Variants in RFX2 observed in about 807,000 individuals in gnomAD.
RFX2 encodes regulatory factor X2.
In RFX2, 20 loss-of-function variants were observed where a neutral mutation model predicts 87.8. The ratio of observed to expected loss-of-function variants is 0.23; its 90% CI spans 0.16 to 0.33. The LOEUF is 0.33. Among genes scored for constraint, RFX2 ranks in the 10% least tolerant of loss-of-function variants. The pLI is 1.00. For missense variants in RFX2, 767 were observed against 1,012.3 expected (o/e 0.76, Z 3.29); for synonymous variants, 397 against 431.3 (o/e 0.92, Z 0.98).
rs1239571052 is a variant in RFX2 at position 6,027,829 on chromosome 19, C to T, written c.523-1592G>A. On this transcript the variant is annotated intron_variant, in intron 5 of 17. Transcript: ENST00000303657. This position sits in a 1 kb window ranked among gnomAD's most constrained non-coding sequence, Gnocchi z 5.0. The stretch of plus-strand genomic sequence containing the variant: ...AGGCTGGAGTGCAGTGATGTGATCT[C>T]GGCTCAGGGCCACCTCTGCCTCCTA... Among the ~76,000 whole-genome samples the T allele has an allele frequency of 6.6e-6, 1 of 152,194 alleles. No homozygotes were observed. The highest frequency in any genetic ancestry group is 1.5e-5 in the Non-Finnish European group (1 of 68,034).
chr19:6,094,955 C>T (rs555668916), intron 1 of RFX2, among the ~76,000 whole-genome samples: 6 of 152,068 alleles, frequency 3.9e-5, no homozygotes, highest in South Asian at 2.1e-4. Flanking sequence ...GGTGAAACCC[C>T]GTCTCTACTA....
intron 1 of RFX2, among the ~76,000 whole-genome samples, chr19:6,069,712 A>G (rs2087566995): frequency 6.6e-6 from 1 of 152,202 alleles, no homozygotes; most frequent in Non-Finnish European, 1.5e-5. Flanking sequence ...AGTGATTGTG[A>G]CAGAGGAGCT....
At position 6,044,251 on chromosome 19, in the gene RFX2, G is replaced by A; in HGVS notation, c.122C>T (p.Pro41Leu). Residue 41 changes from proline to leucine, a missense_variant, in exon 3 of 18, where the codon CCC (proline) becomes CTC (leucine). Pro to Leu is a moderately conservative substitution (Grantham distance 98). This residue lies in a region of RFX2 where 146 missense variants were observed against 139.2 expected (regional missense o/e 1.05). Coordinates refer to ENST00000303657, the MANE Select transcript of RFX2 (RefSeq NM_000635.4). This position sits in a 1 kb window ranked among gnomAD's most constrained non-coding sequence, Gnocchi z 5.3. Reference sequence around the variant, plus strand: ...GATCGGCTGCATCTGGGCCCCTTTGGGATTGGAGCTGGCTGCCTGGACCAA... The same window carrying A: ...GATCGGCTGCATCTGGGCCCCTTTGAGATTGGAGCTGGCTGCCTGGACCAA... ...RVLVQAASSN[P>L]KGAQMQPISL... The A allele has an allele frequency of 6.3e-7, 1 of 1,575,630 alleles. No individual in the cohort carries two copies. The highest frequency in any genetic ancestry group is 8.6e-7 in the Non-Finnish European group (1 of 1,161,256).
Position 6,104,351 on chromosome 19 carries a change from T to C in RFX2, c.-9+6042A>G, listed in dbSNP as rs961048071. Among the ~76,000 whole-genome samples the C allele has an allele frequency of 2.0e-5, 3 of 151,744 alleles. No individual in the cohort carries two copies. The South Asian group carries it at 6.2e-4, about 32-fold the overall frequency. On this transcript the variant is annotated intron_variant, in intron 1 of 17. Transcript: ENST00000303657. The stretch of plus-strand genomic sequence containing the variant: ...TTGGGAGGCTGAGGTGGGCGGATCA[T>C]GAGGTCAGGAGATCGAGACCATCCT...
intron 5 of RFX2, among the ~76,000 whole-genome samples, chr19:6,034,625 G>C (rs1229303523): frequency 1.3e-5 from 2 of 152,156 alleles, no homozygotes; most frequent in African/African-American, 4.8e-5. Context: ...GCTTCCCAAA[G>C]TGCTAGTATT....
Position 6,022,485 on chromosome 19 carries a change from A to G in RFX2, c.597+3678T>C, listed in dbSNP as rs568837813. Reference sequence around the variant, plus strand: ...ACAGCGCCACCTCATGGTGACAGAGACTCGGTGAACCTGCTACGGGGTCCC... The same window carrying G: ...ACAGCGCCACCTCATGGTGACAGAGGCTCGGTGAACCTGCTACGGGGTCCC... On this transcript the variant is annotated intron_variant, in intron 6 of 17. Transcript: ENST00000303657. This position sits in a 1 kb window ranked among gnomAD's most constrained non-coding sequence, Gnocchi z 6.2. Among the ~76,000 whole-genome samples, 17 of 152,220 alleles carry G rather than the reference A, an allele frequency of 1.1e-4. No individual in the cohort carries two copies. The highest frequency in any genetic ancestry group is 3.9e-4 in the African/African-American group (16 of 41,550).
intron 1 of RFX2, among the ~76,000 whole-genome samples, chr19:6,073,844 G>C (rs555221608): frequency 6.6e-6 from 1 of 152,294 alleles, no homozygotes; most frequent in South Asian, 2.1e-4. Flanking sequence ...CCGGGAGTCT[G>C]AGCCATCTGA....
rs2086396776 is a variant in RFX2, at chr19:5,995,660, G to C, written c.2014-17C>G. ...ATCGTTGAACTGAAAGAGAAACCTG[G>C]AGTCAGGGGCGCCTGCAGAGGGGCG... On this transcript the variant is annotated splice_polypyrimidine_tract_variant and intron_variant, in intron 16 of 17. Coordinates refer to ENST00000303657, the MANE Select transcript of RFX2 (RefSeq NM_000635.4). 3 of 1,551,936 alleles carry C rather than the reference G, an allele frequency of 1.9e-6. No homozygotes were observed. The African/African-American group carries it at 4.1e-5, about 21-fold the overall frequency.
At chr19:6,098,643 C>G (rs980173880) in intron 1 of RFX2, among the ~76,000 whole-genome samples, 1 of 151,590 alleles carries the variant, frequency 6.6e-6, no homozygotes, top group South Asian at 2.1e-4. Context: ...TTAACACCCA[C>G]GAGAGACTTT....
chr19:6,099,081 C>T (rs2088074133), intron 1 of RFX2, among the ~76,000 whole-genome samples: 1 of 151,710 alleles, frequency 6.6e-6, no homozygotes, highest in Non-Finnish European at 1.5e-5. Context: ...ATGCTGAGTG[C>T]CACATTTCGT....
chr19:6,011,098 A>G lies in RFX2; in HGVS notation c.900-847T>C, dbSNP rs920137957. Among the ~76,000 whole-genome samples, 2 of 152,164 alleles carry G rather than the reference A, an allele frequency of 1.3e-5. No individual in the cohort carries two copies. The highest frequency in any genetic ancestry group is 4.8e-5 in the African/African-American group (2 of 41,398). On this transcript the variant is annotated intron_variant, in intron 8 of 17. Transcript: ENST00000303657. The surrounding 1 kb of genome is among the most constrained non-coding windows in gnomAD (Gnocchi z 4.8). ...GCCATTGCACTCCAGCCTGGGCGAC[A>G]AAAGCGAAACTCGGTCTCAAAAAAA...
At position 6,044,506 on chromosome 19, in the gene RFX2, C is replaced by T. The variant is rs992102611; in HGVS notation, c.91-224G>A. Among the ~76,000 whole-genome samples the T allele has an allele frequency of 6.6e-6, 1 of 152,252 alleles. No homozygotes were observed. Among genetic ancestry groups the T allele is most frequent in the Non-Finnish European group, 1.5e-5 (1 of 68,046 alleles). On this transcript the variant is annotated intron_variant, in intron 2 of 17. Transcript: ENST00000303657. This position sits in a 1 kb window ranked among gnomAD's most constrained non-coding sequence, Gnocchi z 5.3. ...GGCACACAAACAATGCACATACATACACAAGTGTGCACATACACTCAGCCC... is the reference window on the plus strand; with the variant it reads ...GGCACACAAACAATGCACATACATATACAAGTGTGCACATACACTCAGCCC...
rs1222246160 is a variant in RFX2 at position 6,004,090 on chromosome 19, T to C, written c.1500+111A>G. ...TTCCTGAAGGGATCGGTTACTCTCA[T>C]GACGCAGGGAAGAAGCCAGCGCTCT... On this transcript the variant is annotated intron_variant, in intron 13 of 17. Transcript: ENST00000303657. This position sits in a 1 kb window ranked among gnomAD's most constrained non-coding sequence, Gnocchi z 4.8. 2.2e-5 allele frequency: 18 copies of C among 833,924 alleles called. No homozygotes were observed. Among genetic ancestry groups the C allele is most frequent in the Admixed American group, 2.1e-4 (12 of 56,694 alleles). The allele number at this position is 833,924 out of a possible 1,614,324, so 51.7% of individuals were successfully genotyped here.
rs1263146304 is a variant in RFX2 at position 6,056,507 on chromosome 19, G to A, written c.-8-9003C>T. Among the ~76,000 whole-genome samples the A allele has an allele frequency of 1.3e-5, 2 of 152,180 alleles. No individual in the cohort carries two copies. The highest frequency in any genetic ancestry group is 4.8e-5 in the African/African-American group (2 of 41,440). ...TGAGTAACTCCTCCACCTGGCAGAG[G>A]AGAGCGCAGCAGAGAGTGGGCAGAG... is the stretch of plus-strand genomic sequence containing the variant. On this transcript the variant is annotated intron_variant, in intron 1 of 17. Coordinates refer to ENST00000303657, the MANE Select transcript of RFX2 (RefSeq NM_000635.4). This position sits in a 1 kb window ranked among gnomAD's most constrained non-coding sequence, Gnocchi z 4.6.
intron 1 of RFX2, chr19:6,072,763 A>C (rs746254176): frequency 6.4e-6 from 4 of 620,332 alleles, no homozygotes; most frequent in Non-Finnish European, 1.1e-5. Flanking sequence ...AAGAGAAAAA[A>C]AAGGCCCCTC....
chr19:6,107,888 T>C (rs746766446), intron 1 of RFX2, among the ~76,000 whole-genome samples: 1 of 152,150 alleles, frequency 6.6e-6, no homozygotes, highest in Non-Finnish European at 1.5e-5. Context: ...CACATTATAT[T>C]ATATTGTTGT....
chr19:6,067,664 G>T (rs539172040), intron 1 of RFX2, among the ~76,000 whole-genome samples: 1 of 152,210 alleles, frequency 6.6e-6, no homozygotes. Flanking sequence ...GACCAGGAGA[G>T]GGTGAAGTGG....
chr19:6,030,462 G>T (rs1269595429), intron 5 of RFX2, among the ~76,000 whole-genome samples: 2 of 152,144 alleles, frequency 1.3e-5, no homozygotes, highest in African/African-American at 2.4e-5. Context: ...AAAAAATAAG[G>T]TTCTGACACA....
At chr19:6,032,806 T>C (rs1255879857) in intron 5 of RFX2, among the ~76,000 whole-genome samples, 1 of 152,230 alleles carries the variant, frequency 6.6e-6, no homozygotes, top group Non-Finnish European at 1.5e-5. Context: ...TTCTTTGTTT[T>C]GAGACAGGGT....
Sources: gnomAD v4.1 joint callset for allele counts (sites outside exome capture counted in the v4.1 genomes callset) on GRCh38, gnomAD v4.1.1 for gene constraint, gnomAD v4.1.1 regional missense constraint, Gnocchi (gnomAD v3.1) non-coding constraint, MANE v1.5 for transcripts, NCBI Gene and HGNC (gene_info 2026-07-23, HGNC 2026-07-21) for gene names.